Variants in IP6K1 observed in about 807,000 individuals in gnomAD.
IP6K1 encodes inositol hexakisphosphate kinase 1.
Under a neutral mutation model 38.3 loss-of-function variants are expected in IP6K1, and 13 were observed. The observed-to-expected ratio is 0.34, with a 90% CI of 0.22 to 0.54. The LOEUF is 0.54. Among genes scored for constraint, IP6K1 ranks in the 20% least tolerant of loss-of-function variants. The pLI is 0.92. For missense variants in IP6K1, 397 were observed against 599.8 expected (o/e 0.66, Z 3.53); for synonymous variants, 212 against 229.9 (o/e 0.92, Z 0.70).
At chr3:49,784,870 G>C (rs2081097695) in intron 1 of IP6K1, among the ~76,000 whole-genome samples, 1 of 152,018 alleles carries the variant, frequency 6.6e-6, no homozygotes, top group Non-Finnish European at 1.5e-5. Context: ...GCTTGAACCA[G>C]GGAGTCAGAG....
At chr3:49,780,267 CT>C (rs1326896961) in intron 1 of IP6K1, among the ~76,000 whole-genome samples, 1 of 122,198 alleles carries the variant, frequency 8.2e-6, no homozygotes, top group African/African-American at 2.9e-5. Flanking sequence ...ATAAACGTAA[CT>C]TCAAACCACA....
intron 1 of IP6K1, among the ~76,000 whole-genome samples, chr3:49,779,267 T>A (rs1009577894): frequency 1.1e-4 from 16 of 152,202 alleles, no homozygotes; most frequent in African/African-American, 3.9e-4. Context: ...CTTTAACATG[T>A]TTTCAAGGTT....
intron 1 of IP6K1, among the ~76,000 whole-genome samples, chr3:49,762,781 T>C (rs1440967523): frequency 2.2e-5 from 1 of 44,462 alleles, no homozygotes; most frequent in Non-Finnish European, 5.6e-5. Flanking sequence ...AATTATTGCT[T>C]TTTTTTTTTC....
intron 1 of IP6K1, among the ~76,000 whole-genome samples, chr3:49,771,519 A>G (rs1192505248): frequency 1.3e-5 from 2 of 152,216 alleles, no homozygotes; most frequent in East Asian, 3.8e-4. Context: ...ACTTTCACCC[A>G]AATGGCTAAA....
At chr3:49,756,326 C>T (rs1001286810) in intron 1 of IP6K1, among the ~76,000 whole-genome samples, 5 of 152,152 alleles carry the variant, frequency 3.3e-5, no homozygotes, top group Admixed American at 3.3e-4. Flanking sequence ...ATCTAGAGTC[C>T]ACTGAACCTC....
intron 3 of IP6K1, among the ~76,000 whole-genome samples, chr3:49,737,780 T>C (rs1054957127): frequency 5.3e-5 from 8 of 152,206 alleles, no homozygotes; most frequent in African/African-American, 1.7e-4. Flanking sequence ...ATGACTGATA[T>C]GATTCTCAGA....
At chr3:49,772,749 TAC>T (rs2080970886) in intron 1 of IP6K1, among the ~76,000 whole-genome samples, 1 of 150,580 alleles carries the variant, frequency 6.6e-6, no homozygotes, top group African/African-American at 2.4e-5. Flanking sequence ...CAGTCTCTGT[TAC>T]AGTTAATAAT....
chr3:49,727,046 G>A lies in IP6K1; in HGVS notation c.*76C>T, dbSNP rs558445760. 10 of 1,389,252 alleles carry A rather than the reference G, an allele frequency of 7.2e-6. No individual in the cohort carries two copies. In the South Asian group the frequency reaches 1.4e-4, roughly 19 times the overall value. The allele number at this position is 1,389,252 out of a possible 1,614,324, so 86.1% of individuals were successfully genotyped here. On this transcript the variant is annotated 3_prime_UTR_variant, in exon 6 of 6. Transcript: ENST00000321599. This position sits in a 1 kb window ranked among gnomAD's most constrained non-coding sequence, Gnocchi z 5.9. The stretch of plus-strand genomic sequence containing the variant: ...TAACCCTTTAAAAGCAAGTCTGTGT[G>A]TCCTCACGGCAAGTTCAGAACAATG...
chr3:49,751,488 T>A (rs1178003923), intron 1 of IP6K1, among the ~76,000 whole-genome samples: 1 of 152,038 alleles, frequency 6.6e-6, no homozygotes, highest in Non-Finnish European at 1.5e-5. Context: ...AACCAGAGGT[T>A]ACTCCTGAAG....
intron 1 of IP6K1, among the ~76,000 whole-genome samples, chr3:49,763,400 C>G (rs1035310498): frequency 2.1e-4 from 32 of 150,678 alleles, no homozygotes. Context: ...CCACCGCGCC[C>G]GGCCAAGGTC....
intron 2 of IP6K1, among the ~76,000 whole-genome samples, chr3:49,738,744 G>C (rs1265208677): frequency 6.6e-6 from 1 of 152,126 alleles, no homozygotes; most frequent in Non-Finnish European, 1.5e-5. Context: ...CCCACACCTG[G>C]CATCACTTAA....
At chr3:49,778,185 G>A (rs34810691) in intron 1 of IP6K1, among the ~76,000 whole-genome samples, 2,221 of 151,894 alleles carry the variant, frequency 0.015, 27 homozygotes, top group Non-Finnish European at 0.023. Flanking sequence ...TTAGCCGAGC[G>A]TGCTGGCACA....
At chr3:49,728,041 G>GT (rs1227592356) in intron 5 of IP6K1, 62 bp downstream of exon 5, 8 of 1,524,784 alleles carry the variant, frequency 5.2e-6, no homozygotes, top group Middle Eastern at 2.3e-4. Context: ...TGGCAGGCAG[G>GT]TATGAGCACA....
At chr3:49,778,063 C>T (rs965374925) in intron 1 of IP6K1, among the ~76,000 whole-genome samples, 3 of 151,242 alleles carry the variant, frequency 2.0e-5, no homozygotes, top group African/African-American at 7.3e-5. Context: ...TGGTGGCTCA[C>T]ACCTGTAATC....
intron 1 of IP6K1, among the ~76,000 whole-genome samples, chr3:49,756,836 A>AG (rs2080827946): frequency 4.7e-5 from 7 of 149,020 alleles, no homozygotes; most frequent in Middle Eastern, 3.4e-3. Flanking sequence ...AAAAAAAAAA[A>AG]AAAAAGAAAA....
intron 1 of IP6K1, among the ~76,000 whole-genome samples, chr3:49,765,548 G>A (rs1400675824): frequency 1.3e-5 from 2 of 150,872 alleles, no homozygotes; most frequent in African/African-American, 4.9e-5. Flanking sequence ...TACTTGGGAG[G>A]CTGAAGCAGA....
Position 49,742,397 on chromosome 3 carries a change from A to C in IP6K1, c.224-3975T>G, listed in dbSNP as rs897822510. Among the ~76,000 whole-genome samples, 5 of 152,030 alleles carry C rather than the reference A, an allele frequency of 3.3e-5. No individual in the cohort carries two copies. In the East Asian group the frequency reaches 9.7e-4, roughly 29 times the overall value. ...ACCCTGTCTCTACTAAAAATACAAA[A>C]AATTAGCCGGGCGTGGTGGTACACG... On this transcript the variant is annotated intron_variant, in intron 2 of 5. Coordinates refer to ENST00000321599, the MANE Select transcript of IP6K1 (RefSeq NM_153273.4).
At position 49,757,633 on chromosome 3, in the gene IP6K1, T is replaced by C. The variant is rs184449518; in HGVS notation, c.-128-9465A>G. Among the ~76,000 whole-genome samples the C allele has an allele frequency of 5.9e-5, 9 of 152,106 alleles. No individual in the cohort carries two copies. The East Asian group carries it at 7.7e-4, about 13-fold the overall frequency. ...TACTTGAGGGGCTGAGACAGGAGGA[T>C]TGCTTGAGCCTGGAAGGCGGAGGTT... On this transcript the variant is annotated intron_variant, in intron 1 of 5. Transcript: ENST00000321599.
intron 1 of IP6K1, among the ~76,000 whole-genome samples, chr3:49,752,403 G>A (rs2080785911): frequency 6.6e-6 from 1 of 151,664 alleles, no homozygotes; most frequent in Non-Finnish European, 1.5e-5. Context: ...CAGGAGAATG[G>A]CGTGGAACCT....
Sources: gnomAD v4.1 joint callset for allele counts (sites outside exome capture counted in the v4.1 genomes callset) on GRCh38, gnomAD v4.1.1 for gene constraint, Gnocchi (gnomAD v3.1) non-coding constraint, MANE v1.5 for transcripts, NCBI Gene and HGNC (gene_info 2026-07-23, HGNC 2026-07-21) for gene names.